FBRSL1: variants seen among roughly 807,000 people sequenced by gnomAD.
FBRSL1 encodes the protein fibrosin like 1.
FBRSL1 carries 51 observed loss-of-function variants against 89.6 expected under a neutral mutation model. That is an observed-to-expected ratio of 0.57 (90% CI 0.45 to 0.72). The LOEUF (loss-of-function observed/expected upper bound fraction) is 0.72. Ranked by LOEUF, FBRSL1 falls within the 30% of genes least tolerant of loss-of-function variation. FBRSL1 has a pLI of 0.00. For missense variants in FBRSL1, 1,618 were observed against 1,451.8 expected, an observed-to-expected ratio of 1.11 and a Z score of -1.86; for synonymous variants, 779 against 681.1, an observed-to-expected ratio of 1.14 and a Z score of -2.24.
intron 1 of FBRSL1, among the ~76,000 whole-genome samples, chr12:132,491,155 T>C (rs1225410209): frequency 6.6e-6 from 1 of 152,218 alleles, no homozygotes; most frequent in African/African-American, 2.4e-5. Context: ...CGTCGGCCTT[T>C]TATCAGTTGT....
At chr12:132,579,633 G>A (rs1297839150) in intron 15 of FBRSL1, among the ~76,000 whole-genome samples, 7 of 152,200 alleles carry the variant, frequency 4.6e-5, no homozygotes, top group African/African-American at 7.2e-5. Flanking sequence ...CTGTCGGTAC[G>A]TTTCTGGAGC....
chr12:132,548,641 G>A (rs1345062844), intron 5 of FBRSL1, among the ~76,000 whole-genome samples: 2 of 152,220 alleles, frequency 1.3e-5, no homozygotes, highest in African/African-American at 4.8e-5. Flanking sequence ...GAGCCCTGCG[G>A]GGAGGAACCG....
Position 132,583,506 on chromosome 12 carries a change from G to A in FBRSL1, c.2737G>A (p.Ala913Thr). ...CGCGCGGGCCCCGCACCTGCCGCCC[G>A]CCGCCCCCGCCTTGGACGGCGCGCT... ...ERARAPHLPP[A>T]APALDGALLP... The change falls in exon 19 of 19, where the codon GCC (alanine) becomes ACC (threonine). Residue 913 changes from alanine (A) to threonine (T), a missense_variant. Transcript: ENST00000680143. The A allele has an allele frequency of 9.6e-7, 1 of 1,042,172 alleles. No homozygotes were observed. The allele number at this position is 1,042,172 out of a possible 1,614,324, so 64.6% of individuals were successfully genotyped here.
intron 2 of FBRSL1, among the ~76,000 whole-genome samples, chr12:132,514,773 G>A (rs1303974886): frequency 6.6e-6 from 1 of 152,200 alleles, no homozygotes; most frequent in East Asian, 1.9e-4. Context: ...TCCTAGGGCA[G>A]CACTGTTTAA....
At chr12:132,513,312 G>T (rs778781972) in intron 2 of FBRSL1, among the ~76,000 whole-genome samples, 9 of 152,168 alleles carry the variant, frequency 5.9e-5, no homozygotes, top group Admixed American at 5.2e-4. Flanking sequence ...TCTGGAAGGG[G>T]TTGGTACTCA....
In FBRSL1 at chr12:132,572,546, C is replaced by T. The variant is rs1285870906; in HGVS notation, c.1454C>T (p.Pro485Leu). Residue 485 changes from proline (P) to leucine (L), a missense_variant, in exon 11 of 19, where the codon CCT becomes CTT. By Grantham distance (98) the Pro-to-Leu change is moderately conservative. Coordinates refer to ENST00000680143, the MANE Select transcript of FBRSL1 (RefSeq NM_001367871.1). ...TTACAGTTCTTCCCGTCCTTCCCTC[C>T]TGCCATCCCGGGACTGCCCACCCTG... ...SSVSFFPSFP[P>L]AIPGLPTLLP... 1.9e-6 allele frequency: 3 copies of T among 1,551,250 alleles called. No individual in the cohort carries two copies. The highest frequency in any genetic ancestry group is 1.4e-5 in the African/African-American group (1 of 73,066).
chr12:132,569,342 G>T (rs1322975499), intron 6 of FBRSL1, among the ~76,000 whole-genome samples: 1 of 152,196 alleles, frequency 6.6e-6, no homozygotes, highest in Middle Eastern at 3.4e-3. Context: ...ACAGTAGGGG[G>T]AAGCCTCCCA....
rs982721149 is a variant in FBRSL1 at position 132,571,247 on chromosome 12, G to A, written c.1377+16G>A. ...GGAGTGCCAGGTGACTATCCGCCTC[G>A]CCCCGCCGGGAGCCCGCGGCCAACG... On this transcript the variant is annotated intron_variant, in intron 9 of 18. Coordinates refer to ENST00000680143, the MANE Select transcript of FBRSL1 (RefSeq NM_001367871.1). The A allele has an allele frequency of 1.4e-5, 21 of 1,472,242 alleles. No individual in the cohort carries two copies. The highest frequency in any genetic ancestry group is 6.9e-5 in the South Asian group (5 of 72,852). 91.2% of individuals were successfully genotyped at this position (1,472,242 alleles called of 1,614,324 possible). A position where few individuals can be genotyped will look rare whatever the true frequency, so the allele number is the denominator to read the frequency against.
At chr12:132,556,908 C>T (rs1322388713) in intron 5 of FBRSL1, among the ~76,000 whole-genome samples, 11 of 152,146 alleles carry the variant, frequency 7.2e-5, no homozygotes, top group Non-Finnish European at 1.6e-4. Flanking sequence ...TGAGAGGACA[C>T]GGCCCAATTC....
chr12:132,509,942 GC>G, intron 2 of FBRSL1: 1 of 1,231,580 alleles, frequency 8.1e-7, no homozygotes, highest in Non-Finnish European at 1.0e-6. Context: ...AGTACGGCCA[GC>G]CCCGAAGGTC....
intron 5 of FBRSL1, among the ~76,000 whole-genome samples, chr12:132,549,123 G>A (rs1341719488): frequency 6.6e-6 from 1 of 152,202 alleles, no homozygotes; most frequent in African/African-American, 2.4e-5. Flanking sequence ...GACGTACCAA[G>A]AAGTCAAGGT....
intron 7 of FBRSL1, 45 bp from the exon 8 acceptor site, chr12:132,570,290 T>G (rs1382624818): frequency 6.6e-7 from 1 of 1,513,200 alleles, no homozygotes; most frequent in Non-Finnish European, 8.8e-7. Context: ...GGATGGGGGC[T>G]CTGCAGGGGT....
At chr12:132,547,112 G>A (rs1427595633) in intron 4 of FBRSL1, among the ~76,000 whole-genome samples, 1 of 152,236 alleles carries the variant, frequency 6.6e-6, no homozygotes, top group Non-Finnish European at 1.5e-5. Flanking sequence ...GGACATTGCA[G>A]TCAGTGTGTT....
intron 15 of FBRSL1, among the ~76,000 whole-genome samples, chr12:132,578,343 T>TCTCACACACACACA (rs147345475): frequency 2.1e-5 from 3 of 141,008 alleles, no homozygotes; most frequent in East Asian, 2.2e-4. Flanking sequence ...AGACCCTGTC[T>TCTCACACACACACA]CACACACACA....
Position 132,564,701 on chromosome 12 carries a change from T to C in FBRSL1, c.646-2780T>C, listed in dbSNP as rs947907775. On this transcript the variant is annotated intron_variant, in intron 5 of 18. Coordinates refer to ENST00000680143, the MANE Select transcript of FBRSL1 (RefSeq NM_001367871.1). The stretch of plus-strand genomic sequence containing the variant: ...TAGTAGAGACGGGGTTTCACCGTGT[T>C]AGCCAGGATGGTCTCGATCTCCTGA... Among the ~76,000 whole-genome samples, 18 of 88,808 alleles carry C rather than the reference T, an allele frequency of 2.0e-4. 3 individuals carry two copies. Among genetic ancestry groups the C allele is most frequent in the Middle Eastern group, 5.3e-3 (1 of 190 alleles). 58.3% of individuals were successfully genotyped at this position (88,808 alleles called of 152,430 possible).
rs565647428 is a variant in FBRSL1, at chr12:132,496,816, G to A, written c.291+5955G>A. On this transcript the variant is annotated intron_variant, in intron 1 of 18. Transcript: ENST00000680143. ...CCCTGCTCACCCAGCTTGTGCCGCC[G>A]CCCCGCGCTTCCTTCCCAGGCCCTG... Among the ~76,000 whole-genome samples, 30 of 141,234 alleles carry A rather than the reference G, an allele frequency of 2.1e-4. No homozygotes were observed. The South Asian group carries it at 2.4e-3, about 11-fold the overall frequency. 92.7% of individuals were successfully genotyped at this position (141,234 alleles called of 152,430 possible). A position where few individuals can be genotyped will look rare whatever the true frequency, so the allele number is the denominator to read the frequency against.
chr12:132,582,899 G>C, intron 18 of FBRSL1, 72 bp from the exon 19 acceptor site: 1 of 1,229,506 alleles, frequency 8.1e-7, no homozygotes. Flanking sequence ...CAAGCAACGG[G>C]AACATCCCGG....
At chr12:132,543,329 T>G (rs11146923) in intron 4 of FBRSL1, among the ~76,000 whole-genome samples, 1 of 152,074 alleles carries the variant, frequency 6.6e-6, no homozygotes, top group Non-Finnish European at 1.5e-5. Flanking sequence ...CACGAAGCAG[T>G]GGGGCCAGGA....
chr12:132,516,859 G>A (rs1343380699), intron 2 of FBRSL1, among the ~76,000 whole-genome samples: 1 of 152,188 alleles, frequency 6.6e-6, no homozygotes, highest in African/African-American at 2.4e-5. Context: ...TTTCCTGTCT[G>A]TAAAACGGGG....
Sources: allele counts gnomAD v4.1 joint callset (sites outside exome capture counted in the v4.1 genomes callset), GRCh38; gene constraint gnomAD v4.1.1; transcripts MANE v1.5; gene names NCBI Gene and HGNC (gene_info 2026-07-23, HGNC 2026-07-21).